Variants in CYRIB observed in about 807,000 individuals in gnomAD.
CYRIB encodes the protein CYFIP related Rac1 interactor B, also known as CYFIP-related Rac1 interactor B.
Under a neutral mutation model 44.2 loss-of-function variants are expected in CYRIB, and 8 were observed. The observed-to-expected ratio is 0.18, with a 90% CI of 0.11 to 0.33. The LOEUF is 0.33. CYRIB is among the 10% of genes least tolerant of loss of function. The pLI, the probability that CYRIB is intolerant of heterozygous loss-of-function variation, is 1.00. For missense variants in CYRIB, 185 were observed against 382.8 expected, an observed-to-expected ratio of 0.48 and a Z score of 4.31; for synonymous variants, 131 against 127.2, an observed-to-expected ratio of 1.03 and a Z score of -0.20.
chr8:129,958,721 C>G (rs1183977583), intron 2 of CYRIB, among the ~76,000 whole-genome samples: 3 of 151,036 alleles, frequency 2.0e-5, no homozygotes, highest in African/African-American at 7.3e-5. Context: ...TGTTATTTAC[C>G]TGAACCTGGA....
intron 10 of CYRIB, among the ~76,000 whole-genome samples, chr8:129,848,952 A>T (rs1208471395): frequency 6.6e-6 from 1 of 152,196 alleles, no homozygotes; most frequent in African/African-American, 2.4e-5. Flanking sequence ...AAAGGATATG[A>T]CTCAAAATTC....
At chr8:129,897,719 G>C (rs1265109253) in intron 2 of CYRIB, among the ~76,000 whole-genome samples, 4 of 151,348 alleles carry the variant, frequency 2.6e-5, no homozygotes, top group Non-Finnish European at 5.9e-5. Context: ...AGGATTGCTT[G>C]AGCCCAGGAG....
intron 5 of CYRIB, among the ~76,000 whole-genome samples, chr8:129,859,971 G>C (rs1020373336): frequency 5.3e-5 from 8 of 152,154 alleles, no homozygotes; most frequent in Non-Finnish European, 1.0e-4. Context: ...AAATTAAGCA[G>C]GTAATCCTTG....
intron 2 of CYRIB, chr8:129,896,959 T>G (rs761852901): frequency 6.6e-6 from 1 of 152,236 alleles, no homozygotes; most frequent in Non-Finnish European, 1.5e-5. Context: ...TAAAAATTGT[T>G]CTGCTTTCTC....
chr8:129,927,282 T>A (rs1204527327), intron 1 of CYRIB, among the ~76,000 whole-genome samples: 2 of 152,026 alleles, frequency 1.3e-5, no homozygotes, highest in Non-Finnish European at 2.9e-5. Context: ...ACAGTGAGAC[T>A]CTGTCTCCAC....
At chr8:130,016,195 C>T (rs1459839839) in intron 1 of CYRIB, among the ~76,000 whole-genome samples, 175 bp downstream of exon 1, 3 of 147,096 alleles carry the variant, frequency 2.0e-5, no homozygotes, top group African/African-American at 4.9e-5. Flanking sequence ...CACGGCGGCG[C>T]CCCCTGTCCA....
chr8:129,988,624 G>A (rs1410642528), intron 1 of CYRIB, among the ~76,000 whole-genome samples: 2 of 152,108 alleles, frequency 1.3e-5, no homozygotes, highest in African/African-American at 4.8e-5. Context: ...CTCCCTGTGG[G>A]CGTTGGATAA....
At chr8:129,994,012 A>T (rs117446365) in intron 1 of CYRIB, among the ~76,000 whole-genome samples, 2,545 of 152,238 alleles carry the variant, frequency 0.017, 34 homozygotes, top group Non-Finnish European at 0.026. Context: ...GCTTGGTTAT[A>T]TACTGAATTG....
intron 1 of CYRIB, among the ~76,000 whole-genome samples, chr8:129,981,840 C>A (rs2096249726): frequency 6.6e-6 from 1 of 152,202 alleles, no homozygotes; most frequent in East Asian, 1.9e-4. Flanking sequence ...GTTCAGGGAG[C>A]CTGCTGTCCA....
Position 129,854,417 on chromosome 8 carries a change from T to C in CYRIB, c.439-74A>G, listed in dbSNP as rs887281584. ...GTAAAAAAACTAAGTAAAAAATCTTTAGTTTTAATTAGTATAAAACATTCC... is the reference window on the plus strand; with the variant it reads ...GTAAAAAAACTAAGTAAAAAATCTTCAGTTTTAATTAGTATAAAACATTCC... On this transcript the variant is annotated intron_variant, in intron 6 of 11. Transcript: ENST00000519824. 22 of 997,742 alleles carry C rather than the reference T, an allele frequency of 2.2e-5. No homozygotes were observed. In the African/African-American group the frequency reaches 3.3e-4, roughly 15 times the overall value. The allele number at this position is 997,742 out of a possible 1,614,324, so 61.8% of individuals were successfully genotyped here.
intron 4 of CYRIB, among the ~76,000 whole-genome samples, chr8:129,867,707 A>G (rs1004118652): frequency 8.5e-5 from 13 of 152,150 alleles, no homozygotes; most frequent in African/African-American, 2.4e-4. Flanking sequence ...TGCTGTTTAC[A>G]TGGATTGTCT....
intron 11 of CYRIB, 55 bp downstream of exon 13, chr8:129,846,749 C>G (rs4276651): frequency 4.3e-5 from 52 of 1,203,498 alleles, no homozygotes; most frequent in Non-Finnish European, 5.8e-5. Flanking sequence ...ACATAAACAT[C>G]GACCATTTTC....
At chr8:129,865,399 A>C (rs2052893814) in intron 4 of CYRIB, among the ~76,000 whole-genome samples, 1 of 152,146 alleles carries the variant, frequency 6.6e-6, no homozygotes, top group Non-Finnish European at 1.5e-5. Flanking sequence ...GCAAGTACAA[A>C]CTTTTTTAGT....
At chr8:129,889,124 A>G (rs2064002545) in intron 2 of CYRIB, among the ~76,000 whole-genome samples, 1 of 152,092 alleles carries the variant, frequency 6.6e-6, no homozygotes, top group Non-Finnish European at 1.5e-5. Flanking sequence ...AGGACCCTTA[A>G]GAATTATACT....
intron 2 of CYRIB, among the ~76,000 whole-genome samples, chr8:129,882,503 C>A (rs890535326): frequency 2.6e-5 from 4 of 152,102 alleles, no homozygotes; most frequent in Non-Finnish European, 4.4e-5. Context: ...AAACCTGAGT[C>A]CTTATCAACA....
intron 1 of CYRIB, among the ~76,000 whole-genome samples, chr8:130,000,553 C>T (rs539178066): frequency 5.9e-5 from 9 of 151,946 alleles, no homozygotes; most frequent in Non-Finnish European, 1.2e-4. Context: ...ATTAGCCAGC[C>T]GTGGTGTCTC....
chr8:129,919,786 T>C (rs556421821), intron 1 of CYRIB, among the ~76,000 whole-genome samples: 2 of 152,292 alleles, frequency 1.3e-5, no homozygotes, highest in East Asian at 3.9e-4. Flanking sequence ...GCATTTTAAT[T>C]ACTACCTATG....
intron 1 of CYRIB, among the ~76,000 whole-genome samples, chr8:130,010,465 A>C (rs1055674729): frequency 6.6e-6 from 1 of 152,116 alleles, no homozygotes; most frequent in African/African-American, 2.4e-5. Context: ...AGAGTACTGG[A>C]TGCTTAGGCC....
chr8:129,968,330 A>G (rs2095563758), intron 2 of CYRIB, among the ~76,000 whole-genome samples: 1 of 152,134 alleles, frequency 6.6e-6, no homozygotes. Flanking sequence ...CTTTCAATTC[A>G]GCTGCTCTTC....
Sources: allele counts gnomAD v4.1 joint callset (sites outside exome capture counted in the v4.1 genomes callset), GRCh38; gene constraint gnomAD v4.1.1; transcripts MANE v1.5; gene names NCBI Gene and HGNC (gene_info 2026-07-23, HGNC 2026-07-21).